Variants in ABLIM2 observed in about 807,000 individuals in gnomAD.
ABLIM2 encodes the protein actin-binding LIM protein 2.
In ABLIM2, 53 loss-of-function variants were observed where a neutral mutation model predicts 97.7. The observed-to-expected ratio is 0.54, with a 90% CI of 0.44 to 0.68. The LOEUF (loss-of-function observed/expected upper bound fraction) is 0.68, where lower values mean the gene tolerates loss of function less well. Among genes scored for constraint, ABLIM2 ranks in the 30% least tolerant of loss-of-function variants. The probability of loss-of-function intolerance (pLI) is 0.00; values close to 1 mark genes in which losing one functional copy is unlikely to be tolerated. For missense variants in ABLIM2, 835 were observed against 867.2 expected, an observed-to-expected ratio of 0.96 and a Z score of 0.47; for synonymous variants, 361 against 345.8, an observed-to-expected ratio of 1.04 and a Z score of -0.49.
rs183447098 is a variant in ABLIM2, at chr4:8,120,039, A to C, written c.11-13402T>G. 2.0e-5 allele frequency among the ~76,000 whole-genome samples: 3 copies of C among 152,288 alleles called. No homozygotes were observed. The East Asian group carries it at 5.8e-4, about 30-fold the overall frequency. On this transcript the variant is annotated intron_variant, in intron 1 of 20. Transcript: ENST00000447017. The surrounding 1 kb of genome is among the most constrained non-coding windows in gnomAD (Gnocchi z 5.6). ...GAGGACAAAGTCACTCTTGGCCACA[A>C]ATAGGCTCTGTTCACAGAGCGACAG...
At chr4:8,076,627 C>T (rs1816175340) in intron 6 of ABLIM2, among the ~76,000 whole-genome samples, 1 of 151,920 alleles carries the variant, frequency 6.6e-6, no homozygotes, top group African/African-American at 2.4e-5. Context: ...CTCGAGACCC[C>T]CCTGGTCACC....
At chr4:8,050,741 C>CA (rs1554009193) in intron 8 of ABLIM2, among the ~76,000 whole-genome samples, 1 of 152,008 alleles carries the variant, frequency 6.6e-6, no homozygotes, top group Non-Finnish European at 1.5e-5. Context: ...CCAGGCCCTC[C>CA]GGACAGTTAG....
chr4:8,116,351 A>G (rs1842766453), intron 1 of ABLIM2, among the ~76,000 whole-genome samples: 1 of 151,462 alleles, frequency 6.6e-6, no homozygotes, highest in Non-Finnish European at 1.5e-5. Context: ...ACCCCATCCC[A>G]CCCTGCTGAG....
At chr4:8,103,855 C>A (rs986202681) in intron 2 of ABLIM2, among the ~76,000 whole-genome samples, 24 of 152,214 alleles carry the variant, frequency 1.6e-4, no homozygotes, top group African/African-American at 5.5e-4. Flanking sequence ...TGCCCAAGGT[C>A]TGTGCTTATG....
intron 8 of ABLIM2, among the ~76,000 whole-genome samples, chr4:8,052,960 C>G (rs1316557552): frequency 6.6e-6 from 1 of 152,228 alleles, no homozygotes; most frequent in Admixed American, 6.5e-5. Flanking sequence ...AGATCCGCAG[C>G]AGGATGAGGA....
At position 7,992,992 on chromosome 4, in the gene ABLIM2, C is replaced by T; in HGVS notation, c.1619-65G>A. 1 of 1,558,842 alleles carries T rather than the reference C, an allele frequency of 6.4e-7. No homozygotes were observed. The highest frequency in any genetic ancestry group is 8.8e-7 in the Non-Finnish European group (1 of 1,139,246). ...TCGGTGCAGCAATGGGGGTGCAGCC[C>T]TGGGGGGGCTTCCCACCGGGGTGGG... On this transcript the variant is annotated intron_variant, in intron 16 of 20. Transcript: ENST00000447017. The surrounding 1 kb of genome is among the most constrained non-coding windows in gnomAD (Gnocchi z 5.7).
chr4:7,982,219 G>A (rs534013747), intron 20 of ABLIM2, among the ~76,000 whole-genome samples: 1 of 151,344 alleles, frequency 6.6e-6, no homozygotes, highest in African/African-American at 2.4e-5. Flanking sequence ...GCTGCAGAGG[G>A]AGCCACTGCC....
In ABLIM2 at chr4:8,022,418, C is replaced by T. The variant is rs560261532; in HGVS notation, c.1268-2115G>A. The stretch of plus-strand genomic sequence containing the variant: ...TGTGCACGTCTATTTGAGGAGGGTC[C>T]GGAGACTCATCAGCTTTCATCAGAT... On this transcript the variant is annotated intron_variant, in intron 12 of 20. Transcript: ENST00000447017. This position sits in a 1 kb window ranked among gnomAD's most constrained non-coding sequence, Gnocchi z 7.8. Among the ~76,000 whole-genome samples the T allele has an allele frequency of 2.0e-5, 3 of 152,308 alleles. No individual in the cohort carries two copies. The highest frequency in any genetic ancestry group is 2.1e-4 in the South Asian group (1 of 4,816).
At position 8,131,506 on chromosome 4, in the gene ABLIM2, G is replaced by A. The variant is rs908971827; in HGVS notation, c.11-24869C>T. 4.6e-5 allele frequency among the ~76,000 whole-genome samples: 7 copies of A among 152,314 alleles called. No individual in the cohort carries two copies. The South Asian group carries it at 6.2e-4, about 14-fold the overall frequency. Reference sequence around the variant, plus strand: ...TGACTTTAGTAAAAGAGGGGGATGAGCTGTTTCTGCATGCGGAGGGCAGAT... The same window carrying A: ...TGACTTTAGTAAAAGAGGGGGATGAACTGTTTCTGCATGCGGAGGGCAGAT... On this transcript the variant is annotated intron_variant, in intron 1 of 20. Transcript: ENST00000447017.
rs891809561 is a variant in ABLIM2 at position 8,032,674 on chromosome 4, G to T, written c.1048-2898C>A. 6 of 1,612,504 alleles carry T rather than the reference G, an allele frequency of 3.7e-6. No homozygotes were observed. Among genetic ancestry groups the T allele is most frequent in the African/African-American group, 1.3e-5 (1 of 74,912 alleles). On this transcript the variant is annotated intron_variant, in intron 10 of 20. Transcript: ENST00000447017. This position sits in a 1 kb window ranked among gnomAD's most constrained non-coding sequence, Gnocchi z 4.3. ...TCGGTCGGCGTTGGCGAGAGCAACT[G>T]AGGGGACTGTGGACACAACACACAA...
At chr4:8,145,887 C>G (rs537732978) in intron 1 of ABLIM2, among the ~76,000 whole-genome samples, 1 of 152,020 alleles carries the variant, frequency 6.6e-6, no homozygotes, top group East Asian at 1.9e-4. Flanking sequence ...GCAAGAGGAC[C>G]TGGCCAGCCG....
intron 1 of ABLIM2, among the ~76,000 whole-genome samples, chr4:8,111,621 C>A (rs1054986030): frequency 6.6e-6 from 1 of 152,140 alleles, no homozygotes; most frequent in African/African-American, 2.4e-5. Context: ...GAAATAAAAT[C>A]TATCAAAAAA....
chr4:8,027,264 G>A (rs1470173254), intron 12 of ABLIM2, among the ~76,000 whole-genome samples: 2 of 152,176 alleles, frequency 1.3e-5, no homozygotes, highest in African/African-American at 4.8e-5. Flanking sequence ...CAGGGATGTG[G>A]ATGGCTCATC....
Position 8,113,121 on chromosome 4 carries a change from G to T in ABLIM2, c.11-6484C>A, listed in dbSNP as rs1262559305. ...ATCTTTTTTCTTCTCCTGAGGCAGG[G>T]TCTCGCTCTGTCAACCAGGCTGGAG... On this transcript the variant is annotated intron_variant, in intron 1 of 20. Transcript: ENST00000447017. The surrounding 1 kb of genome is among the most constrained non-coding windows in gnomAD (Gnocchi z 4.5). Among the ~76,000 whole-genome samples the T allele has an allele frequency of 3.9e-5, 6 of 152,130 alleles. No individual in the cohort carries two copies. Among genetic ancestry groups the T allele is most frequent in the African/African-American group, 7.2e-5 (3 of 41,410 alleles).
chr4:8,076,743 G>A (rs1356655461), intron 6 of ABLIM2, among the ~76,000 whole-genome samples: 1 of 148,064 alleles, frequency 6.8e-6, no homozygotes, highest in Admixed American at 6.7e-5. Context: ...GGTTGGGGGG[G>A]GTCTGTGAAT....
rs1823038768 is a variant in ABLIM2, at chr4:8,085,637, C to CATG, written c.454+2531_454+2532insCAT. On this transcript the variant is annotated intron_variant, in intron 4 of 20. Coordinates refer to ENST00000447017, the MANE Select transcript of ABLIM2 (RefSeq NM_001130083.2). This position sits in a 1 kb window ranked among gnomAD's most constrained non-coding sequence, Gnocchi z 6.1. Reference sequence around the variant, plus strand: ...CCCACGCTGCAGCCCTGTCCACTCACGCAGGTCTGGGGGTGCCCACGCTGC... The same window carrying CATG: ...CCCACGCTGCAGCCCTGTCCACTCACATGGCAGGTCTGGGGGTGCCCACGCTGC... Among the ~76,000 whole-genome samples the CATG allele has an allele frequency of 6.7e-6, 1 of 149,544 alleles. No individual in the cohort carries two copies. Among genetic ancestry groups the CATG allele is most frequent in the Non-Finnish European group, 1.5e-5 (1 of 67,384 alleles).
At chr4:8,141,289 T>A (rs1183652112) in intron 1 of ABLIM2, among the ~76,000 whole-genome samples, 1 of 151,952 alleles carries the variant, frequency 6.6e-6, no homozygotes, top group Non-Finnish European at 1.5e-5. Flanking sequence ...ACAAAAGCTA[T>A]AATCTTATGG....
At chr4:8,105,218 C>T (rs557022906) in intron 2 of ABLIM2, among the ~76,000 whole-genome samples, 1 of 152,360 alleles carries the variant, frequency 6.6e-6, no homozygotes, top group South Asian at 2.1e-4. Flanking sequence ...CAGCACGCCA[C>T]CTCCTCTGCG....
intron 11 of ABLIM2, among the ~76,000 whole-genome samples, chr4:8,028,066 GC>G (rs1324269163): frequency 6.6e-6 from 1 of 152,258 alleles, no homozygotes; most frequent in African/African-American, 2.4e-5. Context: ...CCAGGCAGAG[GC>G]CCAGGGTGCT....
Sources: allele counts gnomAD v4.1 joint callset (sites outside exome capture counted in the v4.1 genomes callset), GRCh38; gene constraint gnomAD v4.1.1; non-coding constraint Gnocchi (gnomAD v3.1); transcripts MANE v1.5; gene names NCBI Gene and HGNC (gene_info 2026-07-23, HGNC 2026-07-21).